The following IMMP2L variants were observed in gnomAD, a reference collection of about 807,000 sequenced individuals.
The protein encoded by IMMP2L is mitochondrial inner membrane protease subunit 2.
Under a neutral mutation model 19.3 loss-of-function variants are expected in IMMP2L, and 18 were observed. The ratio of observed to expected loss-of-function variants is 0.93; its 90% CI spans 0.64 to 1.38. The LOEUF (loss-of-function observed/expected upper bound fraction) is 1.38, where lower values mean the gene tolerates loss of function less well. IMMP2L is among the 40% of genes most tolerant of loss of function. The pLI, the probability that IMMP2L is intolerant of heterozygous loss-of-function variation, is 0.00. For missense variants in IMMP2L, 233 were observed against 218.2 expected, an observed-to-expected ratio of 1.07 and a Z score of -0.43; for synonymous variants, 76 against 73.0, an observed-to-expected ratio of 1.04 and a Z score of -0.21.
intron 5 of IMMP2L, among the ~76,000 whole-genome samples, chr7:110,852,086 A>G (rs1806279794): frequency 6.6e-6 from 1 of 152,036 alleles, no homozygotes; most frequent in African/African-American, 2.4e-5. Flanking sequence ...CCTTTGGAAT[A>G]CAGCCATCAT....
intron 5 of IMMP2L, among the ~76,000 whole-genome samples, chr7:110,764,644 G>T (rs538825405): frequency 6.6e-6 from 1 of 152,124 alleles, no homozygotes; most frequent in East Asian, 1.9e-4. Flanking sequence ...TCATAAGGTA[G>T]CACCTAATTA....
intron 3 of IMMP2L, among the ~76,000 whole-genome samples, chr7:111,188,496 T>G (rs936265918): frequency 7.9e-5 from 12 of 152,080 alleles, no homozygotes; most frequent in Non-Finnish European, 1.5e-5. Flanking sequence ...GCTCCATCCT[T>G]GTGACCTAGT....
At chr7:111,236,380 A>G (rs1396532861) in intron 3 of IMMP2L, among the ~76,000 whole-genome samples, 1 of 152,126 alleles carries the variant, frequency 6.6e-6, no homozygotes, top group East Asian at 1.9e-4. Context: ...CAAAACTGGC[A>G]CAGCCTTTAA....
At chr7:111,530,045 T>A (rs1352653805) in intron 1 of IMMP2L, among the ~76,000 whole-genome samples, 1 of 152,114 alleles carries the variant, frequency 6.6e-6, no homozygotes, top group African/African-American at 2.4e-5. Context: ...AAGGTGCTCT[T>A]CAGAAGCAGC....
intron 3 of IMMP2L, among the ~76,000 whole-genome samples, chr7:111,128,106 T>C (rs1485327212): frequency 1.3e-5 from 2 of 152,154 alleles, no homozygotes; most frequent in Non-Finnish European, 2.9e-5. Context: ...ACAAAAAGTT[T>C]TTAAGTAAAA....
At chr7:110,694,667 T>C (rs556835713) in intron 5 of IMMP2L, among the ~76,000 whole-genome samples, 1 of 151,894 alleles carries the variant, frequency 6.6e-6, no homozygotes, top group South Asian at 2.1e-4. Flanking sequence ...TAGAGCGAAT[T>C]TGGTGGTTCC....
At chr7:110,844,141 G>C (rs1805395774) in intron 5 of IMMP2L, among the ~76,000 whole-genome samples, 1 of 152,176 alleles carries the variant, frequency 6.6e-6, no homozygotes, top group Non-Finnish European at 1.5e-5. Context: ...GTGTGCGCTG[G>C]CTAGTGTATT....
At chr7:111,194,600 A>T (rs1809272161) in intron 3 of IMMP2L, among the ~76,000 whole-genome samples, 1 of 152,150 alleles carries the variant, frequency 6.6e-6, no homozygotes, top group Non-Finnish European at 1.5e-5. Flanking sequence ...AGTCCACAAC[A>T]AGTACTCAAT....
chr7:110,872,938 G>C (rs1455306382), intron 5 of IMMP2L, among the ~76,000 whole-genome samples: 1 of 152,154 alleles, frequency 6.6e-6, no homozygotes, highest in African/African-American at 2.4e-5. Flanking sequence ...AGGGGTAAAT[G>C]CCACCTCTTT....
chr7:111,425,888 A>G (rs1836025058), intron 3 of IMMP2L, among the ~76,000 whole-genome samples: 3 of 151,212 alleles, frequency 2.0e-5, no homozygotes, highest in Non-Finnish European at 1.5e-5. Context: ...TCAAACATAT[A>G]ATTTATTCAT....
chr7:111,000,344 A>C (rs1305994740), intron 3 of IMMP2L, among the ~76,000 whole-genome samples: 1 of 152,124 alleles, frequency 6.6e-6, no homozygotes, highest in Non-Finnish European at 1.5e-5. Flanking sequence ...GTTCTTGATA[A>C]TCTTCTATAT....
chr7:110,783,508 T>C (rs1799877479), intron 5 of IMMP2L, among the ~76,000 whole-genome samples: 1 of 151,830 alleles, frequency 6.6e-6, no homozygotes, highest in Non-Finnish European at 1.5e-5. Context: ...ATATGGGATT[T>C]TAAAGAACTG....
chr7:111,541,314 T>C (rs1341402786), intron 1 of IMMP2L, among the ~76,000 whole-genome samples: 2 of 152,164 alleles, frequency 1.3e-5, no homozygotes, highest in African/African-American at 4.8e-5. Context: ...AAGATAACAC[T>C]GTTAAATTTC....
intron 3 of IMMP2L, among the ~76,000 whole-genome samples, chr7:111,290,297 AC>A (rs1043414536): frequency 6.6e-6 from 1 of 152,148 alleles, no homozygotes; most frequent in African/African-American, 2.4e-5. Context: ...ATCACCCTTT[AC>A]AAAAATCCCT....
intron 3 of IMMP2L, among the ~76,000 whole-genome samples, chr7:111,457,318 C>T (rs1839757299): frequency 7.3e-6 from 1 of 137,832 alleles, no homozygotes; most frequent in Admixed American, 7.2e-5. Flanking sequence ...CTACATTTTA[C>T]TTAATACTGG....
At chr7:111,338,052 G>C (rs1227853309) in intron 3 of IMMP2L, among the ~76,000 whole-genome samples, 1 of 152,168 alleles carries the variant, frequency 6.6e-6, no homozygotes, top group African/African-American at 2.4e-5. Context: ...AGGTGAGACA[G>C]AGAACAGAGT....
chr7:111,508,504 A>G (rs766791344), intron 2 of IMMP2L, among the ~76,000 whole-genome samples: 9 of 152,162 alleles, frequency 5.9e-5, no homozygotes, highest in Non-Finnish European at 1.3e-4. Flanking sequence ...GAGTCAGTAA[A>G]GTAGAATTTA....
At chr7:111,290,103 A>G (rs1245250297) in intron 3 of IMMP2L, among the ~76,000 whole-genome samples, 1 of 152,172 alleles carries the variant, frequency 6.6e-6, no homozygotes, top group Non-Finnish European at 1.5e-5. Flanking sequence ...CACATAGAAA[A>G]GAAGGACATA....
chr7:111,225,572 T>C (rs1407718234), intron 3 of IMMP2L, among the ~76,000 whole-genome samples: 1 of 151,570 alleles, frequency 6.6e-6, no homozygotes, highest in Non-Finnish European at 1.5e-5. Flanking sequence ...TATAGGAAAG[T>C]ACTACTTATT....
Sources: gnomAD v4.1 joint callset for allele counts (sites outside exome capture counted in the v4.1 genomes callset) on GRCh38, gnomAD v4.1.1 for gene constraint, MANE v1.5 for transcripts, NCBI Gene and HGNC (gene_info 2026-07-23, HGNC 2026-07-21) for gene names.